The following CTNND2 variants were observed in gnomAD, a reference collection of about 807,000 sequenced individuals.
The protein encoded by CTNND2 is catenin delta-2.
In CTNND2, 22 loss-of-function variants were observed where a neutral mutation model predicts 144.4. The ratio of observed to expected loss-of-function variants is 0.15; its 90% confidence interval spans 0.11 to 0.22. CTNND2 has a LOEUF of 0.22. Ranked by LOEUF, CTNND2 falls within the 10% of genes least tolerant of loss-of-function variation. The pLI is 1.00. For missense variants in CTNND2, 1,353 were observed against 1,618.8 expected (o/e 0.84, Z 2.82); for synonymous variants, 751 against 695.6 (o/e 1.08, Z -1.25).
rs191708802 is a variant in CTNND2, at chr5:11,335,074, A to T, written c.1628+11298T>A. ...TCCTCCTCCTTCTTGTCTTCTTAGTAGAATTAAGTGCCTGCTAAAGCACAC... is the reference window on the plus strand; with the variant it reads ...TCCTCCTCCTTCTTGTCTTCTTAGTTGAATTAAGTGCCTGCTAAAGCACAC... On this transcript the variant is annotated intron_variant, in intron 9 of 21. Coordinates refer to ENST00000304623, the MANE Select transcript of CTNND2 (RefSeq NM_001332.4). Among the ~76,000 whole-genome samples the T allele has an allele frequency of 2.6e-3, 395 of 152,186 alleles. 1 individual carries two copies. The highest frequency in any genetic ancestry group is 4.5e-3 in the Admixed American group (68 of 15,278).
chr5:11,490,097 TCTAA>T (rs1451632161), intron 3 of CTNND2, among the ~76,000 whole-genome samples: 3 of 152,178 alleles, frequency 2.0e-5, no homozygotes, highest in African/African-American at 7.2e-5. Context: ...CTCCTGAGGG[TCTAA>T]CTTTCTGTCT....
rs187655939 is a variant in CTNND2, at chr5:11,205,804, A to G, written c.1762-6143T>C. 1.1e-4 allele frequency among the ~76,000 whole-genome samples: 16 copies of G among 152,322 alleles called. No individual in the cohort carries two copies. The East Asian group carries it at 2.7e-3, about 26-fold the overall frequency. On this transcript the variant is annotated intron_variant, in intron 10 of 21. Transcript: ENST00000304623. ...AAATGGCCTGCGTTCTCCATTCGAT[A>G]GGTGAACCAAGATGAGCTATGTTTC...
chr5:11,494,308 C>T (rs1008065454), intron 3 of CTNND2, among the ~76,000 whole-genome samples: 3 of 151,976 alleles, frequency 2.0e-5, no homozygotes, highest in African/African-American at 7.2e-5. Context: ...CTCACATGGC[C>T]AAAGAGAAGG....
At chr5:11,226,784 C>T (rs947751235) in intron 10 of CTNND2, among the ~76,000 whole-genome samples, 4 of 152,176 alleles carry the variant, frequency 2.6e-5, no homozygotes, top group African/African-American at 7.2e-5. Flanking sequence ...CAATATCAGC[C>T]TGTATGTGTT....
intron 9 of CTNND2, among the ~76,000 whole-genome samples, chr5:11,273,674 G>C (rs1290355601): frequency 6.6e-6 from 1 of 152,122 alleles, no homozygotes; most frequent in African/African-American, 2.4e-5. Context: ...CCGTCTCCTT[G>C]CAACAGCAAC....
intron 1 of CTNND2, among the ~76,000 whole-genome samples, chr5:11,799,471 T>C: frequency 6.6e-6 from 1 of 152,194 alleles, no homozygotes; most frequent in East Asian, 1.9e-4. Context: ...ATGTGTATAG[T>C]TTTCAAACAT....
intron 15 of CTNND2, among the ~76,000 whole-genome samples, chr5:11,089,731 T>C (rs1042064832): frequency 6.6e-6 from 1 of 152,178 alleles, no homozygotes; most frequent in Non-Finnish European, 1.5e-5. Context: ...GTTACACAGC[T>C]GGGCACAGTG....
intron 16 of CTNND2, among the ~76,000 whole-genome samples, chr5:11,043,684 G>A (rs1478241078): frequency 6.6e-6 from 1 of 152,146 alleles, no homozygotes; most frequent in African/African-American, 2.4e-5. Flanking sequence ...TCTGAGCCAA[G>A]TGATGACCCA....
At chr5:11,223,072 T>G (rs1460093091) in intron 10 of CTNND2, among the ~76,000 whole-genome samples, 1 of 152,214 alleles carries the variant, frequency 6.6e-6, no homozygotes, top group African/African-American at 2.4e-5. Flanking sequence ...AGGTGACTCC[T>G]GGGCTTTAGC....
chr5:11,085,346 GGTTA>G (rs1239938742), intron 15 of CTNND2, among the ~76,000 whole-genome samples: 6 of 152,176 alleles, frequency 3.9e-5, no homozygotes, highest in African/African-American at 7.2e-5. Context: ...CATTTTGAAA[GGTTA>G]GTTATGTGTA....
At chr5:11,779,191 T>C (rs192330219) in intron 1 of CTNND2, among the ~76,000 whole-genome samples, 19 of 152,334 alleles carry the variant, frequency 1.2e-4, no homozygotes, top group Admixed American at 9.8e-4. Context: ...TGAAACATAC[T>C]GAGTGTAAAA....
chr5:11,429,607 T>C (rs1193714351), intron 3 of CTNND2, among the ~76,000 whole-genome samples: 1 of 152,148 alleles, frequency 6.6e-6, no homozygotes, highest in African/African-American at 2.4e-5. Flanking sequence ...CTAAATGAAA[T>C]GAGTTGGTGG....
chr5:11,829,613 A>T (rs568825010), intron 1 of CTNND2, among the ~76,000 whole-genome samples: 1 of 152,366 alleles, frequency 6.6e-6, no homozygotes, highest in South Asian at 2.1e-4. Context: ...ACTAGACTTC[A>T]GATGATGTAT....
intron 12 of CTNND2, among the ~76,000 whole-genome samples, chr5:11,135,641 C>A (rs1756060128): frequency 6.6e-6 from 1 of 152,192 alleles, no homozygotes. Context: ...ACAGACTATG[C>A]TGAAAATCAA....
intron 3 of CTNND2, among the ~76,000 whole-genome samples, chr5:11,422,594 T>C (rs1021556805): frequency 6.6e-6 from 1 of 152,072 alleles, no homozygotes; most frequent in Admixed American, 6.5e-5. Context: ...ACCACAACAC[T>C]GTCACGTCTG....
At position 11,708,888 on chromosome 5, in the gene CTNND2, T is replaced by C. The variant is rs576261995; in HGVS notation, c.174+23248A>G. 3.3e-5 allele frequency among the ~76,000 whole-genome samples: 5 copies of C among 152,348 alleles called. No homozygotes were observed. The South Asian group carries it at 1.0e-3, about 32-fold the overall frequency. On this transcript the variant is annotated intron_variant, in intron 2 of 21. Transcript: ENST00000304623. Reference sequence around the variant, plus strand: ...TGGGATCTGTCTATAGTTATGTCTTTGTGAATATCATATAAGTAGAATCAT... The same window carrying C: ...TGGGATCTGTCTATAGTTATGTCTTCGTGAATATCATATAAGTAGAATCAT...
At chr5:11,625,389 ATCTCTCTC>A (rs57148533) in intron 2 of CTNND2, among the ~76,000 whole-genome samples, 2,198 of 140,482 alleles carry the variant, frequency 0.016, 57 homozygotes, top group African/African-American at 0.055. Context: ...AAACAGAAAA[ATCTCTCTC>A]TCTCTCTCTC....
chr5:11,375,914 C>T (rs1463972518), intron 7 of CTNND2, among the ~76,000 whole-genome samples: 1 of 152,112 alleles, frequency 6.6e-6, no homozygotes, highest in African/African-American at 2.4e-5. Flanking sequence ...AATGTTTGTG[C>T]TCTCCTCGCC....
intron 10 of CTNND2, among the ~76,000 whole-genome samples, chr5:11,234,159 A>G (rs1741360861): frequency 6.6e-6 from 1 of 152,168 alleles, no homozygotes; most frequent in African/African-American, 2.4e-5. Flanking sequence ...AAGCACACAT[A>G]TGTACACACA....
Sources: gnomAD v4.1 joint callset for allele counts (sites outside exome capture counted in the v4.1 genomes callset) on GRCh38, gnomAD v4.1.1 for gene constraint, MANE v1.5 for transcripts, NCBI Gene and HGNC (gene_info 2026-07-23, HGNC 2026-07-21) for gene names.